Variants in B3GLCT observed in about 807,000 individuals in gnomAD.
B3GLCT encodes beta-1,3-glucosyltransferase.
In B3GLCT, 65 loss-of-function variants were observed where a neutral mutation model predicts 63.4. That is an observed-to-expected ratio of 1.03 (90% CI 0.84 to 1.26). The LOEUF (loss-of-function observed/expected upper bound fraction) is 1.26, where lower values mean the gene tolerates loss of function less well. Among genes scored for constraint, B3GLCT ranks in the 50% most tolerant of loss-of-function variants. B3GLCT has a pLI of 0.00. For missense variants in B3GLCT, 577 were observed against 604.8 expected (o/e 0.95, Z 0.48); for synonymous variants, 233 against 219.2 (o/e 1.06, Z -0.55).
chr13:31,284,650 C>T lies in B3GLCT; in HGVS notation c.853C>T (p.Pro285Ser). The T allele has an allele frequency of 1.9e-6, 3 of 1,571,016 alleles. No homozygotes were observed. Among genetic ancestry groups the T allele is most frequent in the South Asian group, 1.1e-5 (1 of 90,194 alleles). Residue 285 changes from proline to serine, a missense_variant and splice_region_variant, in exon 11 of 15, where the codon CCT becomes TCT. Coordinates refer to ENST00000343307, the MANE Select transcript of B3GLCT (RefSeq NM_194318.4). ...TCKKFHGDRI[P>S]IVKQTWESQA... ...TGTCACCTCTGTAATTTTTTCAGTA[C>T]CTATTGTTAAGCAGACTTGGGAGAG...
chr13:31,241,251 C>T (rs999700480), intron 4 of B3GLCT, among the ~76,000 whole-genome samples: 9 of 152,226 alleles, frequency 5.9e-5, no homozygotes, highest in African/African-American at 1.9e-4. Flanking sequence ...GCCAGGTGCT[C>T]GGGCTTCCCA....
chr13:31,287,634 G>T lies in B3GLCT; in HGVS notation c.1064+815G>T, dbSNP rs76830509. Among the ~76,000 whole-genome samples the T allele has an allele frequency of 6.2e-3, 939 of 152,042 alleles. 12 individuals carry two copies. The highest frequency in any genetic ancestry group is 0.019 in the African/African-American group (807 of 41,446). On this transcript the variant is annotated intron_variant, in intron 12 of 14. Transcript: ENST00000343307. ...AATATCTGCCATCCAATCAAAAGTT[G>T]CCAGGCATATAAAGCAGCAGGAAAA...
At chr13:31,237,461 C>T (rs1165711090) in intron 4 of B3GLCT, among the ~76,000 whole-genome samples, 1 of 148,864 alleles carries the variant, frequency 6.7e-6, no homozygotes, top group Admixed American at 6.8e-5. Flanking sequence ...TCAAGCGATT[C>T]TCCTGCCTCA....
At chr13:31,229,613 A>T (rs577075413) in intron 4 of B3GLCT, among the ~76,000 whole-genome samples, 233 of 151,908 alleles carry the variant, frequency 1.5e-3, no homozygotes, top group Admixed American at 3.0e-3. Context: ...GGGCCTGGTG[A>T]TGCATGCCCG....
At chr13:31,258,936 T>G (rs2137826705) in intron 6 of B3GLCT, among the ~76,000 whole-genome samples, 1 of 152,322 alleles carries the variant, frequency 6.6e-6, no homozygotes, top group South Asian at 2.1e-4. Context: ...CCCTTTTCCT[T>G]TTGTCTCATA....
intron 4 of B3GLCT, among the ~76,000 whole-genome samples, chr13:31,244,886 C>T (rs1871124872): frequency 1.3e-5 from 2 of 152,026 alleles, no homozygotes; most frequent in South Asian, 4.1e-4. Flanking sequence ...TTTCTGAGTG[C>T]CAAAGTAGCA....
At chr13:31,230,775 C>T (rs918965707) in intron 4 of B3GLCT, among the ~76,000 whole-genome samples, 2 of 152,008 alleles carry the variant, frequency 1.3e-5, no homozygotes, top group South Asian at 2.1e-4. Context: ...TTTGGGAGGC[C>T]GAGGTGGGTG....
Position 31,234,057 on chromosome 13 carries a change from G to A in B3GLCT, c.270+4763G>A, listed in dbSNP as rs561182928. 8.0e-5 allele frequency among the ~76,000 whole-genome samples: 12 copies of A among 149,652 alleles called. 1 individual carries two copies. In the East Asian group the frequency reaches 1.6e-3, roughly 20 times the overall value. ...TTTTGAGATAGAGTCTCACTCTGTC[G>A]CCCAGGCTGGAGTGCAGTGGCGTCA... is the stretch of plus-strand genomic sequence containing the variant. On this transcript the variant is annotated intron_variant, in intron 4 of 14. Transcript: ENST00000343307.
chr13:31,314,164 C>A (rs1427484684), intron 12 of B3GLCT, among the ~76,000 whole-genome samples: 2 of 152,200 alleles, frequency 1.3e-5, no homozygotes. Context: ...AGAACCTATG[C>A]TAGTGGGGAA....
chr13:31,279,977 A>G (rs905048521), intron 10 of B3GLCT, among the ~76,000 whole-genome samples: 1 of 152,194 alleles, frequency 6.6e-6, no homozygotes, highest in Non-Finnish European at 1.5e-5. Flanking sequence ...TGCCCAGCCT[A>G]CAGGCAGACA....
At chr13:31,244,948 A>G (rs900456298) in intron 4 of B3GLCT, among the ~76,000 whole-genome samples, 21 of 146,568 alleles carry the variant, frequency 1.4e-4, no homozygotes, top group Non-Finnish European at 2.9e-4. Context: ...TTAACAAGGC[A>G]TGCTAGCTTT....
intron 14 of B3GLCT, 114 bp from the exon 15 acceptor site, chr13:31,329,387 A>G (rs943457914): frequency 1.8e-5 from 22 of 1,204,000 alleles, no homozygotes; most frequent in East Asian, 1.6e-4. Flanking sequence ...TTAGATTCCT[A>G]TAGCCAATGT....
At chr13:31,212,219 T>G (rs1869299369) in intron 1 of B3GLCT, among the ~76,000 whole-genome samples, 1 of 151,290 alleles carries the variant, frequency 6.6e-6, no homozygotes, top group Non-Finnish European at 1.5e-5. Flanking sequence ...TCCTCCCACC[T>G]TGTCTTCCTA....
chr13:31,243,274 A>T (rs1045317766), intron 4 of B3GLCT, among the ~76,000 whole-genome samples: 13 of 152,188 alleles, frequency 8.5e-5, no homozygotes, highest in Admixed American at 7.9e-4. Flanking sequence ...AAACCCATGT[A>T]CTTCTAGGTT....
intron 12 of B3GLCT, among the ~76,000 whole-genome samples, chr13:31,298,085 G>A (rs753984864): frequency 3.9e-5 from 6 of 152,166 alleles, no homozygotes; most frequent in Non-Finnish European, 7.3e-5. Flanking sequence ...CAGGAGATTG[G>A]GGGGTGGGAC....
intron 12 of B3GLCT, among the ~76,000 whole-genome samples, chr13:31,297,644 G>A (rs1401868261): frequency 6.6e-6 from 1 of 152,066 alleles, no homozygotes; most frequent in Non-Finnish European, 1.5e-5. Flanking sequence ...CCTGGAGATA[G>A]TGCCAATTCC....
chr13:31,235,030 C>T (rs1424798214), intron 4 of B3GLCT, among the ~76,000 whole-genome samples: 1 of 152,064 alleles, frequency 6.6e-6, no homozygotes, highest in African/African-American at 2.4e-5. Context: ...CTGCTGTGTG[C>T]CCTCCACCAC....
intron 12 of B3GLCT, chr13:31,312,866 G>A (rs551007549): frequency 1.4e-3 from 208 of 152,320 alleles, no homozygotes; most frequent in African/African-American, 4.8e-3. Flanking sequence ...TTCTTGTAGA[G>A]AACAGCAGAT....
intron 10 of B3GLCT, 115 bp downstream of exon 10, chr13:31,276,886 G>T: frequency 1.2e-6 from 1 of 803,874 alleles, no homozygotes; most frequent in Non-Finnish European, 2.1e-6. Context: ...CAATTCGGAT[G>T]TTGAAGTGAA....
Sources: gnomAD v4.1 joint callset for allele counts (sites outside exome capture counted in the v4.1 genomes callset) on GRCh38, gnomAD v4.1.1 for gene constraint, MANE v1.5 for transcripts, NCBI Gene and HGNC (gene_info 2026-07-23, HGNC 2026-07-21) for gene names.